The following FSTL4 variants were observed in gnomAD, a reference collection of about 807,000 sequenced individuals.
FSTL4 encodes follistatin-related protein 4.
Under a neutral mutation model 78.2 loss-of-function variants are expected in FSTL4, and 28 were observed. The observed-to-expected ratio is 0.36, with a 90% CI of 0.27 to 0.49. FSTL4 has a LOEUF of 0.49. Among genes scored for constraint, FSTL4 ranks in the 20% least tolerant of loss-of-function variants. The probability of loss-of-function intolerance (pLI) is 0.98; values close to 1 mark genes in which losing one functional copy is unlikely to be tolerated. For missense variants in FSTL4, 922 were observed against 1,084.9 expected (o/e 0.85, Z 2.11); for synonymous variants, 422 against 440.5 (o/e 0.96, Z 0.53).
the FSTL4 span, among the ~76,000 whole-genome samples, chr5:133,636,894 A>G: frequency 6.6e-6 from 1 of 152,198 alleles, no homozygotes; most frequent in Non-Finnish European, 1.5e-5. Flanking sequence ...TGAGGAAAAT[A>G]TAATTATCCA....
intron 2 of FSTL4, among the ~76,000 whole-genome samples, chr5:133,575,671 GA>G (rs1760260932): frequency 6.6e-6 from 1 of 152,180 alleles, no homozygotes. Flanking sequence ...AGCTGTAGCA[GA>G]AATGTAAGGA....
At chr5:133,770,278 T>G in the FSTL4 span, among the ~76,000 whole-genome samples, 25 of 152,314 alleles carry the variant, frequency 1.6e-4, no homozygotes, top group African/African-American at 5.8e-4. Context: ...ATAGTTCTAT[T>G]TTTAGTTCTT....
chr5:133,743,665 G>A, the FSTL4 span, among the ~76,000 whole-genome samples: 2 of 152,180 alleles, frequency 1.3e-5, no homozygotes, highest in African/African-American at 4.8e-5. Context: ...TGCTATTTAG[G>A]AACCTAAGCT....
the FSTL4 span, among the ~76,000 whole-genome samples, chr5:133,707,097 G>T: frequency 3.9e-4 from 60 of 152,352 alleles, 1 homozygote; most frequent in African/African-American, 1.2e-3. Context: ...GGAGTGGTCA[G>T]AGGACCAAAC....
intron 3 of FSTL4, among the ~76,000 whole-genome samples, chr5:133,559,455 G>A (rs1277515720): frequency 6.6e-6 from 1 of 152,174 alleles, no homozygotes; most frequent in Non-Finnish European, 1.5e-5. Context: ...AGGTATACAG[G>A]GAGCACCATC....
chr5:133,383,016 C>T (rs190567206), intron 4 of FSTL4, among the ~76,000 whole-genome samples: 20 of 152,282 alleles, frequency 1.3e-4, no homozygotes, highest in Non-Finnish European at 2.2e-4. Flanking sequence ...GCAGGCTCTG[C>T]GTGCCCACAT....
At chr5:133,454,604 C>A (rs1757446984) in intron 3 of FSTL4, among the ~76,000 whole-genome samples, 1 of 152,200 alleles carries the variant, frequency 6.6e-6, no homozygotes, top group African/African-American at 2.4e-5. Flanking sequence ...GGCGGCATTT[C>A]TCTCACCATG....
intron 2 of FSTL4, among the ~76,000 whole-genome samples, chr5:133,568,933 A>G (rs1222218392): frequency 1.3e-5 from 2 of 152,214 alleles, no homozygotes; most frequent in Admixed American, 6.5e-5. Flanking sequence ...GGATTTTAAT[A>G]ATTGTTTGAG....
chr5:133,412,172 T>C (rs1387862824), intron 3 of FSTL4, among the ~76,000 whole-genome samples: 2 of 152,086 alleles, frequency 1.3e-5, no homozygotes, highest in African/African-American at 4.8e-5. Context: ...TTTGAAGTAA[T>C]AAGTGCCCCC....
intron 7 of FSTL4, among the ~76,000 whole-genome samples, chr5:133,243,153 T>C (rs1047153104): frequency 2.6e-5 from 4 of 152,204 alleles, no homozygotes; most frequent in African/African-American, 9.7e-5. Context: ...CACAAATACT[T>C]TCTTCTAATG....
At chr5:133,448,806 T>C (rs1757323727) in intron 3 of FSTL4, among the ~76,000 whole-genome samples, 2 of 147,860 alleles carry the variant, frequency 1.4e-5, no homozygotes, top group Admixed American at 1.4e-4. Flanking sequence ...TTAAACACAA[T>C]GAAGTTTGAC....
intron 3 of FSTL4, among the ~76,000 whole-genome samples, chr5:133,457,298 C>T (rs986322547): frequency 6.6e-6 from 1 of 152,188 alleles, no homozygotes; most frequent in African/African-American, 2.4e-5. Flanking sequence ...GTTAACCTTT[C>T]CTTTGCTGGC....
intron 3 of FSTL4, among the ~76,000 whole-genome samples, chr5:133,417,958 T>TAAAA (rs527415337): frequency 1.8e-4 from 9 of 51,140 alleles, no homozygotes; most frequent in East Asian, 5.0e-4. Flanking sequence ...GACTCCATCT[T>TAAAA]AAAAAAAAAA....
At chr5:133,694,135 C>G in the FSTL4 span, among the ~76,000 whole-genome samples, 144 of 152,314 alleles carry the variant, frequency 9.5e-4, 2 homozygotes, top group East Asian at 0.025. Context: ...ATATTCCCTC[C>G]CATCCCCAGC....
the FSTL4 span, among the ~76,000 whole-genome samples, chr5:133,716,770 C>G: frequency 6.6e-6 from 1 of 152,192 alleles, no homozygotes; most frequent in Non-Finnish European, 1.5e-5. Context: ...GTGAGCAAAA[C>G]AATAGTCTCT....
At chr5:133,836,728 G>C in the FSTL4 span, among the ~76,000 whole-genome samples, 1 of 151,788 alleles carries the variant, frequency 6.6e-6, no homozygotes, top group African/African-American at 2.4e-5. Flanking sequence ...ATAGAATTCT[G>C]TGTTGGAGAT....
chr5:133,666,392 C>T, the FSTL4 span, among the ~76,000 whole-genome samples: 1 of 152,122 alleles, frequency 6.6e-6, no homozygotes, highest in South Asian at 2.1e-4. Flanking sequence ...ATACTTTTCT[C>T]CCATTTTATT....
intron 6 of FSTL4, among the ~76,000 whole-genome samples, chr5:133,296,678 C>T (rs1216113480): frequency 6.6e-6 from 1 of 152,148 alleles, no homozygotes; most frequent in Non-Finnish European, 1.5e-5. Flanking sequence ...TTTTGCCCAC[C>T]CCTGCCCTGC....
the FSTL4 span, among the ~76,000 whole-genome samples, chr5:133,823,658 T>C: frequency 2.6e-5 from 4 of 152,208 alleles, no homozygotes; most frequent in Non-Finnish European, 4.4e-5. Context: ...GGAGTCCTGC[T>C]TGGCCAGGAG....
Sources: allele counts gnomAD v4.1 joint callset (sites outside exome capture counted in the v4.1 genomes callset), GRCh38; gene constraint gnomAD v4.1.1; transcripts MANE v1.5; gene names NCBI Gene and HGNC (gene_info 2026-07-23, HGNC 2026-07-21).